Variants in SLC35E2B observed in about 807,000 individuals in gnomAD.
SLC35E2B encodes the protein solute carrier family 35, member E2B.
In SLC35E2B, 18 loss-of-function variants were observed where a neutral mutation model predicts 32.4. The observed-to-expected ratio is 0.56, with a 90% CI of 0.38 to 0.82. The LOEUF (loss-of-function observed/expected upper bound fraction) is 0.82. SLC35E2B is among the 40% of genes least tolerant of loss of function. The probability of loss-of-function intolerance (pLI) is 0.00; values close to 1 mark genes in which losing one functional copy is unlikely to be tolerated. For missense variants in SLC35E2B, 263 were observed against 469.5 expected (o/e 0.56, Z 4.06); for synonymous variants, 132 against 209.1 (o/e 0.63, Z 3.18).
chr1:1,671,872 T>C (rs956355521), intron 5 of SLC35E2B: 1 of 343,458 alleles, frequency 2.9e-6, no homozygotes, highest in Non-Finnish European at 5.3e-6. Flanking sequence ...CCCCAGAGAC[T>C]GAGCCCCAGC....
chr1:1,686,457 G>C (rs1643952262), intron 2 of SLC35E2B, among the ~76,000 whole-genome samples: 1 of 151,676 alleles, frequency 6.6e-6, no homozygotes, highest in Non-Finnish European at 1.5e-5. Flanking sequence ...AAGTCCTTCA[G>C]GGCAGTCTTG....
At position 1,692,794 on chromosome 1, in the gene SLC35E2B, C is replaced by G. The variant is rs868112837; in HGVS notation, c.-911G>C. The G allele has an allele frequency of 1.8e-4, 179 of 984,006 alleles. 1 individual carries two copies. In the Middle Eastern group the frequency reaches 4.1e-3, roughly 23 times the overall value. The allele number at this position is 984,006 out of a possible 1,614,324, so 61.0% of individuals were successfully genotyped here. A position where few individuals can be genotyped will look rare whatever the true frequency, so the allele number is the denominator to read the frequency against. ...GCCCGTTGGTTCCGCCCGGGCCGTT[C>G]TACTCCAGGCAGACGGGAGGAGAAA... is the stretch of plus-strand genomic sequence containing the variant. On this transcript the variant is annotated 5_prime_UTR_variant, in exon 1 of 10. Transcript: ENST00000617444.
At chr1:1,672,647 A>ATAT (rs1570321527) in intron 5 of SLC35E2B, 1 of 152,260 alleles carries the variant, frequency 6.6e-6, no homozygotes, top group East Asian at 1.9e-4. Flanking sequence ...TATATCCAGC[A>ATAT]CCAGATTCCT....
chr1:1,679,259 G>A (rs765153199), intron 2 of SLC35E2B, among the ~76,000 whole-genome samples: 34 of 152,154 alleles, frequency 2.2e-4, no homozygotes, highest in Non-Finnish European at 4.4e-4. Flanking sequence ...ACCTGACGTC[G>A]AGGCAAACCT....
At chr1:1,667,313 G>A (rs1044688475) in intron 9 of SLC35E2B, among the ~76,000 whole-genome samples, 46 of 151,862 alleles carry the variant, frequency 3.0e-4, no homozygotes, top group Middle Eastern at 3.4e-3. Flanking sequence ...CTCGGGAGGC[G>A]GAGGCAGGAG....
chr1:1,690,255 G>A (rs1456248560), intron 2 of SLC35E2B, among the ~76,000 whole-genome samples: 2 of 143,804 alleles, frequency 1.4e-5, no homozygotes, highest in Non-Finnish European at 3.0e-5. Context: ...ACAACAGCCT[G>A]GGCAATAAGA....
chr1:1,667,266 A>C (rs1643571289), intron 9 of SLC35E2B, among the ~76,000 whole-genome samples: 1 of 151,646 alleles, frequency 6.6e-6, no homozygotes, highest in South Asian at 2.1e-4. Flanking sequence ...AAAAAAAATT[A>C]GCCGGGCGTG....
At chr1:1,689,213 C>G (rs543637527) in intron 2 of SLC35E2B, among the ~76,000 whole-genome samples, 5 of 152,224 alleles carry the variant, frequency 3.3e-5, no homozygotes, top group African/African-American at 1.2e-4. Context: ...AGAATGGAGG[C>G]ACCACGAGTT....
intron 7 of SLC35E2B, 37 bp from the exon 8 acceptor site, chr1:1,669,773 G>C (rs1643637848): frequency 6.5e-7 from 1 of 1,546,642 alleles, no homozygotes; most frequent in South Asian, 1.2e-5. Context: ...CCCCGTGTCG[G>C]GACAGGCCGA....
chr1:1,669,723 G>A lies in SLC35E2B; in HGVS notation c.775C>T (p.Gln259Ter), dbSNP rs1353745837. 1 of 1,546,262 alleles carries A rather than the reference G, an allele frequency of 6.5e-7. No individual in the cohort carries two copies. The highest frequency in any genetic ancestry group is 2.4e-5 in the East Asian group (1 of 40,834). The change falls in exon 8 of 10, where the codon CAG becomes TAG. Residue 259 changes from glutamine to a stop codon, truncating the protein, a stop_gained. Transcript: ENST00000617444. LOFTEE classifies it high-confidence loss of function. Reference sequence around the variant, plus strand: ...ACCGCAGCGGCGCTGGTGTAGAACTGCAGCTCCGGGGCCCTGTGGGTGACA... The same window carrying A: ...ACCGCAGCGGCGCTGGTGTAGAACTACAGCTCCGGGGCCCTGTGGGTGACA... ...DKYRFSAPEL[Q>*]FYTSAAAVAM...
At chr1:1,680,853 A>G (rs1426591514) in intron 2 of SLC35E2B, among the ~76,000 whole-genome samples, 6 of 146,082 alleles carry the variant, frequency 4.1e-5, no homozygotes, top group Admixed American at 1.4e-4. Context: ...CCCAGGCTGG[A>G]GTTTAGTGGC....
chr1:1,672,470 C>T (rs1236742840), intron 5 of SLC35E2B: 1 of 152,250 alleles, frequency 6.6e-6, no homozygotes, highest in Admixed American at 6.5e-5. Context: ...AGAGGGGCGT[C>T]CTCTCGTCTG....
chr1:1,671,866 A>C (rs1264453125), intron 5 of SLC35E2B: 3 of 360,504 alleles, frequency 8.3e-6, no homozygotes, highest in Middle Eastern at 7.9e-4. Context: ...TGCGTCCCCC[A>C]GAGACTGAGC....
chr1:1,670,337 G>T (rs769914767), intron 6 of SLC35E2B, 186 bp from the exon 7 acceptor site: 1 of 541,120 alleles, frequency 1.8e-6, no homozygotes, highest in Non-Finnish European at 3.3e-6. Flanking sequence ...GGCCAGGCTG[G>T]TCTCCAACTC....
At chr1:1,670,064 T>C (rs2101095625) in intron 7 of SLC35E2B, 34 bp downstream of exon 7, 2 of 1,522,864 alleles carry the variant, frequency 1.3e-6, no homozygotes, top group South Asian at 1.2e-5. Flanking sequence ...CTTCGTCTTA[T>C]GACTTGGAGA....
intron 2 of SLC35E2B, among the ~76,000 whole-genome samples, chr1:1,687,734 C>CA (rs74867904): frequency 9.0e-4 from 114 of 126,712 alleles, no homozygotes; most frequent in African/African-American, 2.0e-3. Context: ...GACTCCATCT[C>CA]AAAAAAAAAA....
In SLC35E2B at chr1:1,669,924, A is replaced by G. The variant is rs556362094; in HGVS notation, c.761+174T>C. 165 of 850,418 alleles carry G rather than the reference A, an allele frequency of 1.9e-4. 4 individuals carry two copies. In the South Asian group the frequency reaches 2.0e-3, roughly 10 times the overall value. 52.7% of individuals were successfully genotyped at this position (850,418 alleles called of 1,614,324 possible). On this transcript the variant is annotated intron_variant, in intron 7 of 9. Transcript: ENST00000617444. ...CACACCAGGCTGGCTGAGGGGCTCA[A>G]GGGAGTAGCTGAGAAACGGGCGGGT...
rs1643432512 is a variant in SLC35E2B at position 1,662,563 on chromosome 1, T to A, written c.*3219A>T. 1 of 844,946 alleles carries A rather than the reference T, an allele frequency of 1.2e-6. No individual in the cohort carries two copies. Among genetic ancestry groups the A allele is most frequent in the Non-Finnish European group, 1.4e-6 (1 of 701,940 alleles). 52.3% of individuals were successfully genotyped at this position (844,946 alleles called of 1,614,324 possible). A position where few individuals can be genotyped will look rare whatever the true frequency, so the allele number is the denominator to read the frequency against. On this transcript the variant is annotated 3_prime_UTR_variant, in exon 10 of 10. Transcript: ENST00000617444. Reference sequence around the variant, plus strand: ...AAAATGACTGTCTGACTCACCATGGTAATTTTTCACAAATTAAAGACACAT... The same window carrying A: ...AAAATGACTGTCTGACTCACCATGGAAATTTTTCACAAATTAAAGACACAT...
intron 8 of SLC35E2B, 95 bp from the exon 9 acceptor site, chr1:1,668,567 G>A: frequency 6.2e-7 from 1 of 1,607,690 alleles, no homozygotes; most frequent in Non-Finnish European, 8.5e-7. Flanking sequence ...CCCAGAAACT[G>A]GGTAAAGCTG....
Sources: gnomAD v4.1 joint callset for allele counts (sites outside exome capture counted in the v4.1 genomes callset) on GRCh38, gnomAD v4.1.1 for gene constraint, MANE v1.5 for transcripts, NCBI Gene and HGNC (gene_info 2026-07-23, HGNC 2026-07-21) for gene names.